Variants in XYLT1 observed in about 807,000 individuals in gnomAD.
XYLT1 encodes beta-D-xylosyltransferase 1.
Under a neutral mutation model 91.3 loss-of-function variants are expected in XYLT1, and 36 were observed. The ratio of observed to expected loss-of-function variants is 0.39; its 90% CI spans 0.30 to 0.52. The LOEUF (loss-of-function observed/expected upper bound fraction) is 0.52. Ranked by LOEUF, XYLT1 falls within the 20% of genes least tolerant of loss-of-function variation. The pLI is 0.68. For missense variants in XYLT1, 1,242 were observed against 1,284.5 expected, an observed-to-expected ratio of 0.97 and a Z score of 0.51; for synonymous variants, 588 against 532.0, an observed-to-expected ratio of 1.11 and a Z score of -1.45.
intron 3 of XYLT1, among the ~76,000 whole-genome samples, chr16:17,257,626 G>T (rs1337197546): frequency 6.6e-6 from 1 of 152,144 alleles, no homozygotes; most frequent in African/African-American, 2.4e-5. Flanking sequence ...AATAAACAGC[G>T]ACCACGTGGC....
At chr16:17,379,755 T>TCACA (rs1164558348) in intron 1 of XYLT1, among the ~76,000 whole-genome samples, 260 of 130,358 alleles carry the variant, frequency 2.0e-3, no homozygotes, top group Middle Eastern at 3.9e-3. Context: ...TCTCTCTCTC[T>TCACA]CTCTCTCTCA....
At chr16:17,148,754 T>G (rs1237014025) in intron 6 of XYLT1, among the ~76,000 whole-genome samples, 1 of 152,196 alleles carries the variant, frequency 6.6e-6, no homozygotes, top group African/African-American at 2.4e-5. Flanking sequence ...GATGCCCTGA[T>G]TCACCATAGT....
At chr16:17,279,272 C>T (rs1182241625) in intron 2 of XYLT1, among the ~76,000 whole-genome samples, 5 of 152,208 alleles carry the variant, frequency 3.3e-5, no homozygotes, top group African/African-American at 1.2e-4. Context: ...CTGTAGCCAG[C>T]TCATGGAGTT....
At chr16:17,246,897 A>G (rs1160403377) in intron 3 of XYLT1, among the ~76,000 whole-genome samples, 3 of 152,150 alleles carry the variant, frequency 2.0e-5, no homozygotes, top group Non-Finnish European at 4.4e-5. Flanking sequence ...ATCCTGTGAC[A>G]TGTACCCCAG....
intron 1 of XYLT1, among the ~76,000 whole-genome samples, chr16:17,450,301 G>A (rs1293039670): frequency 6.6e-6 from 1 of 151,894 alleles, no homozygotes; most frequent in Non-Finnish European, 1.5e-5. Flanking sequence ...TTGCGCCACT[G>A]CACTCCAATC....
intron 2 of XYLT1, among the ~76,000 whole-genome samples, chr16:17,352,296 T>C (rs4781994): frequency 0.49 from 74,237 of 152,010 alleles, 20,167 homozygotes; most frequent in African/African-American, 0.72. Context: ...CAGCATAACA[T>C]TGCTAAGATC....
At chr16:17,236,959 G>C (rs1041629503) in intron 3 of XYLT1, among the ~76,000 whole-genome samples, 2 of 152,172 alleles carry the variant, frequency 1.3e-5, no homozygotes, top group African/African-American at 2.4e-5. Flanking sequence ...TATTTTGGGG[G>C]ATACAATGTA....
chr16:17,250,704 A>G (rs2033524922), intron 3 of XYLT1: 1 of 152,208 alleles, frequency 6.6e-6, no homozygotes, highest in Non-Finnish European at 1.5e-5. Flanking sequence ...TCCAACTCCA[A>G]TGAACTGTTA....
intron 2 of XYLT1, among the ~76,000 whole-genome samples, chr16:17,309,957 G>A (rs940941365): frequency 3.9e-5 from 6 of 152,090 alleles, no homozygotes; most frequent in Non-Finnish European, 7.4e-5. Context: ...GGGTGGCAGG[G>A]AAGAGATGCC....
At chr16:17,466,530 T>C (rs2036899408) in intron 1 of XYLT1, among the ~76,000 whole-genome samples, 1 of 152,152 alleles carries the variant, frequency 6.6e-6, no homozygotes. Context: ...TGAATCAAAC[T>C]TGAACAGTCA....
At chr16:17,179,195 C>T (rs374803685) in intron 5 of XYLT1, among the ~76,000 whole-genome samples, 102 of 152,126 alleles carry the variant, frequency 6.7e-4, no homozygotes, top group African/African-American at 2.0e-3. Flanking sequence ...TGAGTACACA[C>T]GGAAACAAAG....
At chr16:17,271,864 G>C (rs1282561823) in intron 2 of XYLT1, among the ~76,000 whole-genome samples, 5 of 152,092 alleles carry the variant, frequency 3.3e-5, no homozygotes, top group Non-Finnish European at 2.9e-5. Context: ...TTTTCCAACA[G>C]AAACAGACCC....
Position 17,230,684 on chromosome 16 carries a change from G to A in XYLT1, c.913+28304C>T, listed in dbSNP as rs188510549. On this transcript the variant is annotated intron_variant, in intron 3 of 11. Transcript: ENST00000261381. ...GTCCTGCCCTTCCAAGGTCATCTGA[G>A]CACCTTTCATCACTTCCCTTGGCTC... Among the ~76,000 whole-genome samples, 394 of 152,242 alleles carry A rather than the reference G, an allele frequency of 2.6e-3. 1 individual carries two copies. Among genetic ancestry groups the A allele is most frequent in the Non-Finnish European group, 4.8e-3 (328 of 68,020 alleles).
chr16:17,188,105 C>T (rs982972032), intron 5 of XYLT1, among the ~76,000 whole-genome samples: 38 of 152,074 alleles, frequency 2.5e-4, no homozygotes, highest in East Asian at 3.9e-4. Context: ...TCAGGAAGCT[C>T]CTTATGGCTT....
chr16:17,134,374 A>G, intron 9 of XYLT1, 99 bp downstream of exon 9: 4 of 1,483,396 alleles, frequency 2.7e-6, no homozygotes, highest in South Asian at 1.3e-5. Context: ...GTGGCATTGC[A>G]TTGCAGATCC....
chr16:17,324,890 C>T (rs941209295), intron 2 of XYLT1, among the ~76,000 whole-genome samples: 1 of 151,692 alleles, frequency 6.6e-6, no homozygotes, highest in African/African-American at 2.4e-5. Flanking sequence ...TTATAAAATA[C>T]TCATGAAAGT....
intron 11 of XYLT1, among the ~76,000 whole-genome samples, chr16:17,112,245 C>G (rs1318216466): frequency 6.6e-6 from 1 of 152,148 alleles, no homozygotes; most frequent in Admixed American, 6.5e-5. Context: ...TTGCGATTAC[C>G]AGGGACGCAT....
At chr16:17,315,110 G>A (rs991518753) in intron 2 of XYLT1, among the ~76,000 whole-genome samples, 2 of 152,224 alleles carry the variant, frequency 1.3e-5, no homozygotes, top group African/African-American at 4.8e-5. Flanking sequence ...GGAAAAGGCA[G>A]AAGGAGGGAG....
At chr16:17,132,217 G>A (rs150871791) in intron 9 of XYLT1, among the ~76,000 whole-genome samples, 4 of 152,176 alleles carry the variant, frequency 2.6e-5, no homozygotes, top group African/African-American at 7.2e-5. Flanking sequence ...ACTAGCAGTG[G>A]GGGGGAGAGA....
Sources: allele counts gnomAD v4.1 joint callset (sites outside exome capture counted in the v4.1 genomes callset), GRCh38; gene constraint gnomAD v4.1.1; transcripts MANE v1.5; gene names NCBI Gene and HGNC (gene_info 2026-07-23, HGNC 2026-07-21).